WWOX: variants seen among roughly 807,000 people sequenced by gnomAD.
The protein encoded by WWOX is WW domain containing oxidoreductase.
Under a neutral mutation model 46.2 loss-of-function variants are expected in WWOX, and 69 were observed. The ratio of observed to expected loss-of-function variants is 1.49; its 90% CI spans 1.23 to 1.82. The LOEUF is 1.82. WWOX is among the 40% of genes most tolerant of loss of function. The probability of loss-of-function intolerance (pLI) is 0.00; values close to 1 mark genes in which losing one functional copy is unlikely to be tolerated. For missense variants in WWOX, 919 were observed against 542.6 expected (o/e 1.69, Z -6.89); for synonymous variants, 359 against 202.6 (o/e 1.77, Z -6.56).
At chr16:78,474,765 G>C (rs9931884) in intron 8 of WWOX, among the ~76,000 whole-genome samples, 30,678 of 151,932 alleles carry the variant, frequency 0.2, 3,392 homozygotes, top group African/African-American at 0.29. Flanking sequence ...TCTGCGAACC[G>C]CTAGTCTGCT....
At chr16:78,314,383 G>C (rs968629627) in intron 5 of WWOX, among the ~76,000 whole-genome samples, 3 of 95,468 alleles carry the variant, frequency 3.1e-5, no homozygotes, top group African/African-American at 1.3e-4. Flanking sequence ...TCCAGCCTGA[G>C]CAACAGAGTG....
chr16:78,963,835 A>G (rs1346256333), intron 8 of WWOX, among the ~76,000 whole-genome samples: 2 of 152,200 alleles, frequency 1.3e-5, no homozygotes, highest in African/African-American at 4.8e-5. Flanking sequence ...CGTATCTCCC[A>G]GAATTCCCAC....
intron 8 of WWOX, among the ~76,000 whole-genome samples, chr16:79,093,635 C>G (rs924219915): frequency 1.3e-5 from 2 of 152,198 alleles, no homozygotes; most frequent in African/African-American, 2.4e-5. Context: ...GCACCCACAA[C>G]AAACATCACG....
rs1380247510 is a variant in WWOX, at chr16:78,756,803, A to G, written c.1056+324051A>G. The stretch of plus-strand genomic sequence containing the variant: ...CAGTTCTTGGTAGCCATGTCTCAGC[A>G]TAGTCTTCTCGGACACCTAATACTA... On this transcript the variant is annotated intron_variant, in intron 8 of 8. Coordinates refer to ENST00000566780, the MANE Select transcript of WWOX (RefSeq NM_016373.4). 1.0e-4 allele frequency: 58 copies of G among 552,850 alleles called. 1 individual carries two copies. The Admixed American group carries it at 1.5e-3, about 14-fold the overall frequency. 34.2% of individuals were successfully genotyped at this position (552,850 alleles called of 1,614,324 possible). A position where few individuals can be genotyped will look rare whatever the true frequency, so the allele number is the denominator to read the frequency against.
intron 8 of WWOX, among the ~76,000 whole-genome samples, chr16:78,962,533 C>A (rs905810322): frequency 1.3e-5 from 2 of 151,990 alleles, no homozygotes; most frequent in African/African-American, 2.4e-5. Context: ...TTCTGTCAGA[C>A]AATTCTCTGA....
At chr16:78,996,275 G>A (rs1374355000) in intron 8 of WWOX, 2 of 984,946 alleles carry the variant, frequency 2.0e-6, no homozygotes, top group Non-Finnish European at 2.4e-6. Flanking sequence ...CTTTTCAGCT[G>A]GGTGCTCCCT....
chr16:78,895,465 C>G (rs966694149), intron 8 of WWOX: 6 of 152,392 alleles, frequency 3.9e-5, no homozygotes, highest in African/African-American at 1.4e-4. Context: ...TGACGATGGC[C>G]TAGCTTCCAT....
rs989356747 is a variant in WWOX at position 79,120,771 on chromosome 16, G to T, written c.1057-90837G>T. ...AAATTTCCCTCTGCGTTTATTTTTT[G>T]TTGTTGTTTGTTTCTGAGACACAGT... is the stretch of plus-strand genomic sequence containing the variant. On this transcript the variant is annotated intron_variant, in intron 8 of 8. Coordinates refer to ENST00000566780, the MANE Select transcript of WWOX (RefSeq NM_016373.4). Among the ~76,000 whole-genome samples, 5 of 151,830 alleles carry T rather than the reference G, an allele frequency of 3.3e-5. No homozygotes were observed. The East Asian group carries it at 5.8e-4, about 18-fold the overall frequency.
rs1252644280 is a variant in WWOX at position 78,836,047 on chromosome 16, T to TTG, written c.1057-375557_1057-375556dup. ...TCCAAAATACATAGTGACATGAAAA[T>TTG]TGTGTATTCACATTGTTCTATTGAT... On this transcript the variant is annotated intron_variant, in intron 8 of 8. Transcript: ENST00000566780. Among the ~76,000 whole-genome samples, 3 of 152,302 alleles carry TTG rather than the reference T, an allele frequency of 2.0e-5. No homozygotes were observed. The East Asian group carries it at 5.8e-4, about 29-fold the overall frequency.
intron 8 of WWOX, among the ~76,000 whole-genome samples, chr16:79,201,159 C>T (rs182082813): frequency 6.6e-6 from 1 of 152,164 alleles, no homozygotes; most frequent in Admixed American, 6.5e-5. Flanking sequence ...CTGGCTTCAG[C>T]ACAGGGGATT....
chr16:79,209,059 C>A (rs1173118557), intron 8 of WWOX, among the ~76,000 whole-genome samples: 1 of 152,164 alleles, frequency 6.6e-6, no homozygotes, highest in Non-Finnish European at 1.5e-5. Flanking sequence ...TCTACAAAGC[C>A]AGAGCCACTT....
chr16:78,113,637 A>C (rs973610817), intron 3 of WWOX, among the ~76,000 whole-genome samples: 1 of 151,974 alleles, frequency 6.6e-6, no homozygotes, highest in African/African-American at 2.4e-5. Flanking sequence ...CTTCAGGGGG[A>C]AAAAAGCCAC....
At chr16:79,114,885 T>C (rs1210404372) in intron 8 of WWOX, among the ~76,000 whole-genome samples, 2 of 152,214 alleles carry the variant, frequency 1.3e-5, no homozygotes, top group African/African-American at 4.8e-5. Flanking sequence ...GTTGTTCATG[T>C]TTCCCAGCCC....
chr16:78,749,565 G>A (rs993960322), intron 8 of WWOX, among the ~76,000 whole-genome samples: 2 of 152,140 alleles, frequency 1.3e-5, no homozygotes, highest in African/African-American at 4.8e-5. Context: ...GTTTAAGGAT[G>A]TATTTATTTC....
In WWOX at chr16:78,747,225, C is replaced by G. The variant is rs567730596; in HGVS notation, c.1056+314473C>G. ...TTTTTTTTTGAGATGGAGTCTCGCT[C>G]TTGTCATGCAGGCTGGAGTGCAGTA... is the stretch of plus-strand genomic sequence containing the variant. On this transcript the variant is annotated intron_variant, in intron 8 of 8. Coordinates refer to ENST00000566780, the MANE Select transcript of WWOX (RefSeq NM_016373.4). Among the ~76,000 whole-genome samples, 51 of 142,856 alleles carry G rather than the reference C, an allele frequency of 3.6e-4. 3 individuals carry two copies. The South Asian group carries it at 0.011, about 31-fold the overall frequency. The allele number at this position is 142,856 out of a possible 152,430, so 93.7% of individuals were successfully genotyped here. A position where few individuals can be genotyped will look rare whatever the true frequency, so the allele number is the denominator to read the frequency against.
chr16:78,939,315 C>T lies in WWOX; in HGVS notation c.1057-272293C>T, dbSNP rs571903666. Among the ~76,000 whole-genome samples, 5 of 152,304 alleles carry T rather than the reference C, an allele frequency of 3.3e-5. No homozygotes were observed. The South Asian group carries it at 6.2e-4, about 19-fold the overall frequency. ...GCTACCTGGATGGTGTGTTTGCCAT[C>T]CTCAGTAATGTGTGTCCCTTACAGA... On this transcript the variant is annotated intron_variant, in intron 8 of 8. Coordinates refer to ENST00000566780, the MANE Select transcript of WWOX (RefSeq NM_016373.4).
intron 8 of WWOX, among the ~76,000 whole-genome samples, chr16:78,926,397 A>G (rs1036677927): frequency 1.3e-5 from 2 of 152,082 alleles, no homozygotes; most frequent in African/African-American, 4.8e-5. Flanking sequence ...AGTTCCTAAG[A>G]AAATAAAGCC....
At chr16:78,593,358 T>C (rs1278151768) in intron 8 of WWOX, among the ~76,000 whole-genome samples, 2 of 152,170 alleles carry the variant, frequency 1.3e-5, no homozygotes, top group African/African-American at 2.4e-5. Context: ...TGATATTTTA[T>C]TGTCCTAACT....
At chr16:78,892,434 C>G (rs922043684) in intron 8 of WWOX, 46 of 152,276 alleles carry the variant, frequency 3.0e-4, no homozygotes, top group Non-Finnish European at 5.1e-4. Flanking sequence ...CATGTTGGTG[C>G]AAGAGACGTT....
Sources: allele counts gnomAD v4.1 joint callset (sites outside exome capture counted in the v4.1 genomes callset), GRCh38; gene constraint gnomAD v4.1.1; transcripts MANE v1.5; gene names NCBI Gene and HGNC (gene_info 2026-07-23, HGNC 2026-07-21).